The following PCCA variants were observed in gnomAD, a reference collection of about 807,000 sequenced individuals.
The protein encoded by PCCA is propionyl-CoA carboxylase alpha chain, mitochondrial.
In PCCA, 74 loss-of-function variants were observed where a neutral mutation model predicts 101.3. The ratio of observed to expected loss-of-function variants is 0.73; its 90% CI spans 0.61 to 0.89. PCCA has a LOEUF of 0.89. PCCA is among the 40% of genes least tolerant of loss of function. The pLI is 0.00. For missense variants in PCCA, 891 were observed against 907.0 expected (o/e 0.98, Z 0.23); for synonymous variants, 294 against 313.6 (o/e 0.94, Z 0.66).
chr13:100,202,331 TC>T (rs2058573857), intron 6 of PCCA, among the ~76,000 whole-genome samples: 2 of 152,066 alleles, frequency 1.3e-5, no homozygotes, highest in African/African-American at 4.8e-5. Flanking sequence ...AAGACCCTGT[TC>T]CACGAAAAGA....
intron 8 of PCCA, among the ~76,000 whole-genome samples, chr13:100,256,241 G>T (rs529251288): frequency 3.3e-5 from 5 of 152,024 alleles, no homozygotes; most frequent in African/African-American, 1.2e-4. Context: ...TCCTGACCTC[G>T]TAATTCGCCC....
chr13:100,334,804 A>G (rs112413535), intron 17 of PCCA, among the ~76,000 whole-genome samples: 477 of 152,316 alleles, frequency 3.1e-3, no homozygotes, highest in Non-Finnish European at 5.1e-3. Context: ...TTTTACACAT[A>G]AGTGCATACT....
At chr13:100,189,522 G>A (rs1367012931) in intron 6 of PCCA, among the ~76,000 whole-genome samples, 1 of 152,134 alleles carries the variant, frequency 6.6e-6, no homozygotes, top group African/African-American at 2.4e-5. Flanking sequence ...TTTAGATTGC[G>A]AAGGTTTTCT....
intron 18 of PCCA, among the ~76,000 whole-genome samples, chr13:100,350,330 C>T (rs1169590003): frequency 9.1e-6 from 1 of 109,904 alleles, no homozygotes; most frequent in Non-Finnish European, 2.0e-5. Context: ...GACGTGATAC[C>T]TAACTATACA....
intron 17 of PCCA, among the ~76,000 whole-genome samples, chr13:100,335,136 A>G (rs1689874542): frequency 6.6e-6 from 1 of 152,208 alleles, no homozygotes; most frequent in Admixed American, 6.5e-5. Flanking sequence ...CCCAGCTAAG[A>G]TATCGTCATC....
chr13:100,389,177 C>G (rs2076676150), intron 19 of PCCA, among the ~76,000 whole-genome samples: 1 of 151,956 alleles, frequency 6.6e-6, no homozygotes, highest in African/African-American at 2.4e-5. Flanking sequence ...AGCGGAGGCC[C>G]CGAACTGAAC....
At chr13:100,210,737 T>A (rs2059160502) in intron 7 of PCCA, among the ~76,000 whole-genome samples, 1 of 152,228 alleles carries the variant, frequency 6.6e-6, no homozygotes, top group African/African-American at 2.4e-5. Flanking sequence ...CAGGAACTCT[T>A]CATTTCAGCA....
At chr13:100,373,493 G>A (rs935440718) in intron 19 of PCCA, among the ~76,000 whole-genome samples, 6 of 152,190 alleles carry the variant, frequency 3.9e-5, no homozygotes, top group Non-Finnish European at 8.8e-5. Flanking sequence ...TATAAGCCAG[G>A]CGCAAAAGGA....
chr13:100,176,665 C>T lies in PCCA; in HGVS notation c.468+19325C>T, dbSNP rs904397661. Among the ~76,000 whole-genome samples the T allele has an allele frequency of 6.6e-5, 10 of 151,976 alleles. No homozygotes were observed. In the East Asian group the frequency reaches 1.2e-3, roughly 18 times the overall value. On this transcript the variant is annotated intron_variant, in intron 6 of 23. Coordinates refer to ENST00000376285, the MANE Select transcript of PCCA (RefSeq NM_000282.4). ...ATTGACAAATGTCAGGACTCAAGTC[C>T]GATTTTTATTATTTTACTGTAAATC...
intron 21 of PCCA, among the ~76,000 whole-genome samples, chr13:100,505,500 G>A (rs925169776): frequency 6.6e-6 from 1 of 152,318 alleles, no homozygotes; most frequent in Non-Finnish European, 1.5e-5. Context: ...AACATGGAGA[G>A]CATAGAGCTA....
At chr13:100,480,309 C>T (rs1345897476) in intron 21 of PCCA, 1 of 152,152 alleles carries the variant, frequency 6.6e-6, no homozygotes, top group Non-Finnish European at 1.5e-5. Context: ...AAACAAGGCA[C>T]CTTCTTGCAA....
At chr13:100,135,964 A>G (rs1301000168) in intron 4 of PCCA, among the ~76,000 whole-genome samples, 40 of 151,948 alleles carry the variant, frequency 2.6e-4, no homozygotes, top group Admixed American at 2.6e-3. Flanking sequence ...TGATTTTTTT[A>G]GTATGAAGCT....
chr13:100,195,216 C>T (rs1594665148), intron 6 of PCCA, among the ~76,000 whole-genome samples: 1 of 152,162 alleles, frequency 6.6e-6, no homozygotes, highest in South Asian at 2.1e-4. Context: ...AGGACCTTAG[C>T]AATGTATACC....
At chr13:100,210,419 A>G (rs2059139855) in intron 7 of PCCA, among the ~76,000 whole-genome samples, 1 of 152,248 alleles carries the variant, frequency 6.6e-6, no homozygotes, top group Non-Finnish European at 1.5e-5. Flanking sequence ...TCTGGACTGC[A>G]TTTAATAGTG....
chr13:100,197,176 C>G (rs1478978443), intron 6 of PCCA, among the ~76,000 whole-genome samples: 1 of 152,170 alleles, frequency 6.6e-6, no homozygotes, highest in Non-Finnish European at 1.5e-5. Flanking sequence ...TTTCTCCCCT[C>G]TCAGCATTCA....
chr13:100,431,898 A>T (rs2079574695), intron 20 of PCCA, among the ~76,000 whole-genome samples: 1 of 146,352 alleles, frequency 6.8e-6, no homozygotes, highest in South Asian at 2.2e-4. Context: ...AAAATAAAAT[A>T]CAGATACCAG....
At chr13:100,129,223 C>T (rs1305832196) in intron 4 of PCCA, among the ~76,000 whole-genome samples, 1 of 152,196 alleles carries the variant, frequency 6.6e-6, no homozygotes, top group Non-Finnish European at 1.5e-5. Flanking sequence ...CACCTATCTT[C>T]ACTTCGTTAT....
At chr13:100,448,757 A>T (rs747421427) in intron 20 of PCCA, among the ~76,000 whole-genome samples, 2 of 152,260 alleles carry the variant, frequency 1.3e-5, no homozygotes, top group African/African-American at 4.8e-5. Flanking sequence ...TGTTTTAAAC[A>T]AATGCTAATT....
At chr13:100,122,368 C>G (rs7339265) in intron 4 of PCCA, among the ~76,000 whole-genome samples, 85,089 of 151,938 alleles carry the variant, frequency 0.56, 25,903 homozygotes, top group African/African-American at 0.79. Context: ...GAATTGGAAA[C>G]CTTTCTCTCA....
Sources: gnomAD v4.1 joint callset for allele counts (sites outside exome capture counted in the v4.1 genomes callset) on GRCh38, gnomAD v4.1.1 for gene constraint, MANE v1.5 for transcripts, NCBI Gene and HGNC (gene_info 2026-07-23, HGNC 2026-07-21) for gene names.